The following ULK4 variants were observed in gnomAD, a reference collection of about 807,000 sequenced individuals.
The protein encoded by ULK4 is unc-51 like kinase 4.
In ULK4, 133 loss-of-function variants were observed where a neutral mutation model predicts 160.6. The observed-to-expected ratio is 0.83, with a 90% CI of 0.72 to 0.96. The LOEUF is 0.96. ULK4 is among the 40% of genes least tolerant of loss of function. The pLI is 0.00. For missense variants in ULK4, 1,580 were observed against 1,499.5 expected (o/e 1.05, Z -0.89); for synonymous variants, 534 against 539.8 (o/e 0.99, Z 0.15).
At chr3:41,269,117 C>A (rs751052238) in intron 35 of ULK4, among the ~76,000 whole-genome samples, 2 of 152,114 alleles carry the variant, frequency 1.3e-5, no homozygotes, top group African/African-American at 4.8e-5. Flanking sequence ...TTATTACACA[C>A]CTCTGAAATT....
chr3:41,862,769 C>G (rs1176957569), intron 17 of ULK4, among the ~76,000 whole-genome samples: 1 of 134,408 alleles, frequency 7.4e-6, no homozygotes, highest in Non-Finnish European at 1.5e-5. Flanking sequence ...CAGTCAGTCT[C>G]TCTCTCTCTC....
At chr3:41,759,069 G>T (rs554572526) in intron 21 of ULK4, among the ~76,000 whole-genome samples, 2 of 152,210 alleles carry the variant, frequency 1.3e-5, no homozygotes, top group East Asian at 3.9e-4. Context: ...AAAACCTACA[G>T]CTAACATCAT....
At chr3:41,682,829 G>C (rs1559482690) in intron 27 of ULK4, among the ~76,000 whole-genome samples, 3 of 152,264 alleles carry the variant, frequency 2.0e-5, no homozygotes, top group East Asian at 3.9e-4. Context: ...CTATGCAAAG[G>C]AAAGAAATAT....
intron 35 of ULK4, among the ~76,000 whole-genome samples, chr3:41,392,788 GA>G (rs1463286388): frequency 2.0e-5 from 3 of 152,124 alleles, no homozygotes; most frequent in Non-Finnish European, 2.9e-5. Context: ...TTATGGTCAA[GA>G]AAATGCATTT....
chr3:41,464,338 A>T (rs1190901416), intron 32 of ULK4, among the ~76,000 whole-genome samples: 1 of 152,202 alleles, frequency 6.6e-6, no homozygotes, highest in Admixed American at 6.5e-5. Flanking sequence ...GACGCATCAA[A>T]GTTATACCTC....
chr3:41,947,822 AT>A (rs1462981745), intron 2 of ULK4, among the ~76,000 whole-genome samples: 4 of 152,174 alleles, frequency 2.6e-5, no homozygotes, highest in Non-Finnish European at 5.9e-5. Context: ...TTACCAGATC[AT>A]AAGCTCAAAA....
intron 1 of ULK4, among the ~76,000 whole-genome samples, chr3:41,955,239 G>A (rs748427785): frequency 3.3e-5 from 5 of 152,188 alleles, no homozygotes; most frequent in African/African-American, 9.7e-5. Context: ...GCAGTGAGCC[G>A]AGATCGCACC....
At chr3:41,298,783 A>G (rs576552976) in intron 35 of ULK4, among the ~76,000 whole-genome samples, 2 of 152,318 alleles carry the variant, frequency 1.3e-5, no homozygotes, top group African/African-American at 4.8e-5. Flanking sequence ...CAGGATGGGC[A>G]CCATGACCAA....
intron 12 of ULK4, among the ~76,000 whole-genome samples, chr3:41,905,912 A>G (rs563899810): frequency 6.6e-6 from 1 of 152,186 alleles, no homozygotes; most frequent in Non-Finnish European, 1.5e-5. Flanking sequence ...TGTCTCTACT[A>G]AAAATACAAA....
At chr3:41,504,184 A>T (rs764046270) in intron 32 of ULK4, among the ~76,000 whole-genome samples, 1 of 152,138 alleles carries the variant, frequency 6.6e-6, no homozygotes, top group Non-Finnish European at 1.5e-5. Flanking sequence ...ACATAAAAAG[A>T]GAGGACTTCC....
At chr3:41,669,498 T>A (rs2035459636) in intron 29 of ULK4, among the ~76,000 whole-genome samples, 1 of 152,174 alleles carries the variant, frequency 6.6e-6, no homozygotes, top group South Asian at 2.1e-4. Flanking sequence ...GCTCTAGGGA[T>A]CCTCCCGCCT....
At chr3:41,395,652 G>A (rs1224340677) in intron 35 of ULK4, among the ~76,000 whole-genome samples, 2 of 152,112 alleles carry the variant, frequency 1.3e-5, no homozygotes, top group Non-Finnish European at 2.9e-5. Flanking sequence ...TGTTTAATAG[G>A]CACAGAGTTT....
chr3:41,925,719 G>C (rs1047500379), intron 5 of ULK4, among the ~76,000 whole-genome samples: 2 of 152,112 alleles, frequency 1.3e-5, no homozygotes, highest in Non-Finnish European at 2.9e-5. Flanking sequence ...TTGGTGTGGG[G>C]AGGGGCATCC....
intron 31 of ULK4, among the ~76,000 whole-genome samples, chr3:41,603,452 G>A (rs1007963609): frequency 4.6e-5 from 7 of 151,974 alleles, no homozygotes; most frequent in Non-Finnish European, 8.8e-5. Flanking sequence ...AAAGAAAATC[G>A]GCAAAGATAC....
At chr3:41,919,974 A>G (rs1250929521) in intron 5 of ULK4, among the ~76,000 whole-genome samples, 156 bp from the exon 6 acceptor site, 2 of 152,252 alleles carry the variant, frequency 1.3e-5, no homozygotes. Context: ...AATGTTTTCT[A>G]ATTTTAAGGT....
intron 19 of ULK4, among the ~76,000 whole-genome samples, chr3:41,800,672 G>A (rs895794514): frequency 6.6e-6 from 1 of 152,162 alleles, no homozygotes; most frequent in Non-Finnish European, 1.5e-5. Context: ...GGAGCAGGCA[G>A]AATAATCCTC....
At chr3:41,840,862 G>A (rs1332509306) in intron 17 of ULK4, among the ~76,000 whole-genome samples, 4 of 151,956 alleles carry the variant, frequency 2.6e-5, no homozygotes, top group Non-Finnish European at 5.9e-5. Flanking sequence ...GAGCCCCTCT[G>A]CCTGGCTGCC....
At chr3:41,816,506 T>C (rs1220420405) in intron 19 of ULK4, among the ~76,000 whole-genome samples, 1 of 152,086 alleles carries the variant, frequency 6.6e-6, no homozygotes, top group African/African-American at 2.4e-5. Context: ...ATCAGAGAAA[T>C]ACATGTTAAA....
chr3:41,263,916 G>A (rs538620866), intron 35 of ULK4, among the ~76,000 whole-genome samples: 2 of 152,312 alleles, frequency 1.3e-5, no homozygotes, highest in East Asian at 1.9e-4. Context: ...AGGGGGTGCC[G>A]GGTGTCAAGT....
Sources: gnomAD v4.1 joint callset for allele counts (sites outside exome capture counted in the v4.1 genomes callset) on GRCh38, gnomAD v4.1.1 for gene constraint, MANE v1.5 for transcripts, NCBI Gene and HGNC (gene_info 2026-07-23, HGNC 2026-07-21) for gene names.